The following LAMA1 variants were observed in gnomAD, a reference collection of about 807,000 sequenced individuals.
LAMA1 encodes laminin subunit alpha 1.
A neutral mutation model predicts 348.7 loss-of-function variants in LAMA1; 219 were observed. That is an observed-to-expected ratio of 0.63 (90% confidence interval 0.56 to 0.70). LAMA1 has a LOEUF of 0.70. LAMA1 is among the 30% of genes least tolerant of loss of function. LAMA1 has a pLI of 0.00. For missense variants in LAMA1, 3,744 were observed against 3,888.0 expected, an observed-to-expected ratio of 0.96 and a Z score of 0.99; for synonymous variants, 1,487 against 1,491.0, an observed-to-expected ratio of 1.00 and a Z score of 0.06.
rs756997088 is a variant in LAMA1 at position 6,958,488 on chromosome 18, G to C, written c.7953C>G (p.Ile2651Met). 46 of 1,614,102 alleles carry C rather than the reference G, an allele frequency of 2.8e-5. No individual in the cohort carries two copies. The highest frequency in any genetic ancestry group is 3.7e-5 in the Non-Finnish European group (44 of 1,180,056). ...RSFHGCIKNL[I>M]FNLELLDFNS... is the part of the protein sequence containing the mutation. ...GCAGGTACACTTACTCCAAATTGAA[G>C]ATCAGGTTTTTGATACAGCCATGGA... is the stretch of plus-strand genomic sequence containing the variant. The change falls in exon 55 of 63, where the codon ATC becomes ATG. Residue 2651 changes from isoleucine (I) to methionine (M), a missense_variant. By Grantham distance (10) the Ile-to-Met change is conservative. Around this residue, in one of 3 missense-constraint regions of LAMA1, gnomAD observed 1,983 missense variants for 1,934.3 expected, o/e 1.03. Coordinates refer to ENST00000389658, the MANE Select transcript of LAMA1 (RefSeq NM_005559.4).
At chr18:7,042,951 A>G in intron 8 of LAMA1, 2 of 426,564 alleles carry the variant, frequency 4.7e-6, no homozygotes, top group Non-Finnish European at 8.4e-6. Flanking sequence ...TGCTTTAGTT[A>G]TAGCTGAATT....
At chr18:7,035,003 CT>C (rs2057988014) in intron 13 of LAMA1, among the ~76,000 whole-genome samples, 1 of 152,210 alleles carries the variant, frequency 6.6e-6, no homozygotes, top group Non-Finnish European at 1.5e-5. Flanking sequence ...TAATCTTTAA[CT>C]AAAGTACAGA....
chr18:7,067,856 C>A (rs1307808219), intron 3 of LAMA1, among the ~76,000 whole-genome samples: 1 of 141,556 alleles, frequency 7.1e-6, no homozygotes, highest in Non-Finnish European at 1.5e-5. Context: ...GTCCTTTTCG[C>A]ATTTTTTTTT....
At position 7,042,220 on chromosome 18, in the gene LAMA1, G is replaced by A. The variant is rs2058023561; in HGVS notation, c.1186C>T (p.Pro396Ser). 1.2e-6 allele frequency: 2 copies of A among 1,611,666 alleles called. No homozygotes were observed. Among genetic ancestry groups the A allele is most frequent in the Admixed American group, 1.7e-5 (1 of 59,822 alleles). Reference sequence around the variant, plus strand: ...GACCCCACAGGGTCACAATTACAGGGGCGGCAAGGCTCATCCTCATAAGGA... The same window carrying A: ...GACCCCACAGGGTCACAATTACAGGAGCGGCAAGGCTCATCCTCATAAGGA... ...VSPYEDEPCRPCNCDPVGSLS... is the reference protein window; with the variant it reads ...VSPYEDEPCRSCNCDPVGSLS... Residue 396 changes from proline to serine, a missense_variant, in exon 9 of 63, where the codon CCC becomes TCC. Transcript: ENST00000389658.
rs1365662439 is a variant in LAMA1 at position 6,959,418 on chromosome 18, T to C, written c.7701A>G (p.Arg2567=). 1 of 1,614,072 alleles carries C rather than the reference T, an allele frequency of 6.2e-7. No homozygotes were observed. Among genetic ancestry groups the C allele is most frequent in the Non-Finnish European group, 8.5e-7 (1 of 1,180,044 alleles). The change falls in exon 54 of 63, where the codon AGA becomes AGG. Residue 2567 remains arginine, a synonymous_variant. Transcript: ENST00000389658. ...CCGTGGGAGCGTGCAGGAGAGCTTTTCTCAGGCCTGTCCCATCCCCAGGAT... is the reference window on the plus strand; with the variant it reads ...CCGTGGGAGCGTGCAGGAGAGCTTTCCTCAGGCCTGTCCCATCCCCAGGAT... ...HVNPGDGTGL[R]KALLHAPTGT...
Position 7,038,893 on chromosome 18 carries a change from C to T in LAMA1, c.1480G>A (p.Glu494Lys). 1.2e-6 allele frequency: 2 copies of T among 1,614,056 alleles called. No homozygotes were observed. The highest frequency in any genetic ancestry group is 1.1e-5 in the South Asian group (1 of 91,076). Residue 494 changes from glutamate (E) to lysine (K), a missense_variant, in exon 11 of 63, where the codon GAA (glutamate) becomes AAA (lysine). Coordinates refer to ENST00000389658, the MANE Select transcript of LAMA1 (RefSeq NM_005559.4). ...RCKPGFYNLK[E>K]KNPRGCSECF... ...TCGGAGCAGCCCCGGGGGTTTTTTTCCTTCAAGTTATAGAATCCTGGCTTG... is the reference window on the plus strand; with the variant it reads ...TCGGAGCAGCCCCGGGGGTTTTTTTTCTTCAAGTTATAGAATCCTGGCTTG...
chr18:7,074,033 C>T (rs562823601), intron 3 of LAMA1, among the ~76,000 whole-genome samples: 1 of 152,154 alleles, frequency 6.6e-6, no homozygotes, highest in East Asian at 1.9e-4. Flanking sequence ...CAGGGTTTCA[C>T]CATGTTGGCC....
chr18:7,058,612 A>G (rs1346194523), intron 3 of LAMA1, among the ~76,000 whole-genome samples: 1 of 152,052 alleles, frequency 6.6e-6, no homozygotes, highest in Non-Finnish European at 1.5e-5. Context: ...AGAAAAGCAG[A>G]TTAGGACACA....
chr18:6,959,328 C>A lies in LAMA1; in HGVS notation c.7778+13G>T. ...ACACCTTCATTACACACTGCCTGGCCGCGTGCAAGTACCTCCGATTCCTGA... is the reference window on the plus strand; with the variant it reads ...ACACCTTCATTACACACTGCCTGGCAGCGTGCAAGTACCTCCGATTCCTGA... On this transcript the variant is annotated intron_variant, in intron 54 of 62. Coordinates refer to ENST00000389658, the MANE Select transcript of LAMA1 (RefSeq NM_005559.4). 6.2e-7 allele frequency: 1 copy of A among 1,613,990 alleles called. No individual in the cohort carries two copies. The highest frequency in any genetic ancestry group is 1.1e-5 in the South Asian group (1 of 91,062).
intron 3 of LAMA1, among the ~76,000 whole-genome samples, chr18:7,064,161 TTTTG>T (rs1051357298): frequency 4.7e-4 from 72 of 152,250 alleles, no homozygotes; most frequent in Middle Eastern, 6.8e-3. Context: ...GTGGATTTTT[TTTTG>T]TTTATTTTGT....
intron 54 of LAMA1, among the ~76,000 whole-genome samples, chr18:6,958,933 T>G (rs1268801148): frequency 1.3e-5 from 2 of 152,100 alleles, no homozygotes; most frequent in African/African-American, 4.8e-5. Flanking sequence ...TTTTTTAACC[T>G]CTTTACCTAT....
intron 39 of LAMA1, among the ~76,000 whole-genome samples, chr18:6,984,677 T>C (rs2057726481): frequency 6.6e-6 from 1 of 152,228 alleles, no homozygotes; most frequent in African/African-American, 2.4e-5. Flanking sequence ...GTTGAGTACA[T>C]ATTTTTTAAA....
At chr18:7,089,276 G>C (rs1003780301) in intron 1 of LAMA1, among the ~76,000 whole-genome samples, 1 of 152,160 alleles carries the variant, frequency 6.6e-6, no homozygotes, top group South Asian at 2.1e-4. Flanking sequence ...CTAATCGGGA[G>C]ATTGAGGCAG....
rs751001211 is a variant in LAMA1 at position 7,023,342 on chromosome 18, C to T, written c.2523G>A (p.Val841=). 2.3e-5 allele frequency: 37 copies of T among 1,614,086 alleles called. No individual in the cohort carries two copies. The highest frequency in any genetic ancestry group is 1.0e-4 in the Admixed American group (6 of 60,004). Residue 841 remains valine, a synonymous_variant, in exon 19 of 63, where the codon GTG becomes GTA. Coordinates refer to ENST00000389658, the MANE Select transcript of LAMA1 (RefSeq NM_005559.4). The part of the protein sequence containing the change: ...CADGYYGNPT[V]PGESCVPCDC... ...CACAGGGAACACAAGATTCGCCAGG[C>T]ACTGTTGGGTTTCCATAGTAACCAT...
At chr18:6,978,101 A>T in intron 43 of LAMA1, 95 bp downstream of exon 43, 1 of 1,513,598 alleles carries the variant, frequency 6.6e-7, no homozygotes, top group South Asian at 1.1e-5. Flanking sequence ...TCTACTTTTC[A>T]GGAATGTTGT....
intron 3 of LAMA1, among the ~76,000 whole-genome samples, chr18:7,078,138 TA>T (rs952873057): frequency 1.4e-5 from 2 of 138,186 alleles, no homozygotes; most frequent in African/African-American, 2.6e-5. Context: ...TTTCTCTTTT[TA>T]TTTTTTTTTG....
chr18:7,067,818 T>C (rs2058129081), intron 3 of LAMA1, among the ~76,000 whole-genome samples: 1 of 152,010 alleles, frequency 6.6e-6, no homozygotes, highest in African/African-American at 2.4e-5. Flanking sequence ...TTCTTCCTTC[T>C]GTATTCCTGC....
Position 7,007,151 on chromosome 18 carries a change from G to C in LAMA1, c.4248C>G (p.Thr1416=). ...NNHSDTCDPN[T]GKCLNCGDNT... ...CAAACCAGCATACCAGACACTTCCC[G>C]GTGTTGGGGTCACAGGTGTCACTGT... Residue 1416 remains threonine (T), a synonymous_variant, in exon 29 of 63, where the codon ACC becomes ACG. Transcript: ENST00000389658. 6.2e-7 allele frequency: 1 copy of C among 1,614,044 alleles called. No homozygotes were observed. The highest frequency in any genetic ancestry group is 1.7e-5 in the Admixed American group (1 of 59,996).
intron 3 of LAMA1, chr18:7,077,027 C>G (rs1437501698): frequency 6.6e-6 from 1 of 151,630 alleles, no homozygotes; most frequent in Admixed American, 6.6e-5. Context: ...GCATAATGTG[C>G]TTTGTTTAAA....
Sources: gnomAD v4.1 joint callset for allele counts (sites outside exome capture counted in the v4.1 genomes callset) on GRCh38, gnomAD v4.1.1 for gene constraint, gnomAD v4.1.1 regional missense constraint, MANE v1.5 for transcripts, NCBI Gene and HGNC (gene_info 2026-07-23, HGNC 2026-07-21) for gene names.